Variants in PRMT7 observed in about 807,000 individuals in gnomAD.
The protein encoded by PRMT7 is protein arginine N-methyltransferase 7.
Under a neutral mutation model 85.4 loss-of-function variants are expected in PRMT7, and 75 were observed. The observed-to-expected ratio is 0.88, with a 90% CI of 0.73 to 1.06. The LOEUF is 1.06. Ranked by LOEUF, PRMT7 falls within the 50% of genes least tolerant of loss-of-function variation. The pLI is 0.00. For missense variants in PRMT7, 868 were observed against 915.2 expected, an observed-to-expected ratio of 0.95 and a Z score of 0.67; for synonymous variants, 397 against 359.5, an observed-to-expected ratio of 1.10 and a Z score of -1.18.
rs773262694 is a variant in PRMT7, at chr16:68,347,615, G to A, written c.1276-16G>A. ...AAGTGAATATCTTACAACTAATAGC[G>A]TGGTGTTCCCTCTAGGTGTTTACAG... On this transcript the variant is annotated splice_polypyrimidine_tract_variant and intron_variant, in intron 12 of 18. Coordinates refer to ENST00000441236, the MANE Select transcript of PRMT7 (RefSeq NM_019023.5). 2.2e-5 allele frequency: 36 copies of A among 1,609,980 alleles called. No individual in the cohort carries two copies. In the Admixed American group the frequency reaches 3.7e-4, roughly 16 times the overall value.
chr16:68,357,648 C>G lies in PRMT7; in HGVS notation c.*424C>G, dbSNP rs972444190. On this transcript the variant is annotated 3_prime_UTR_variant, in exon 19 of 19. Transcript: ENST00000441236. ...GTCTCACTCTCGAGGATCTCCGGGTCCCTGCTCTTCTGGCTTCTGCTAGGA... is the reference window on the plus strand; with the variant it reads ...GTCTCACTCTCGAGGATCTCCGGGTGCCTGCTCTTCTGGCTTCTGCTAGGA... 1.1e-3 allele frequency: 48 copies of G among 44,668 alleles called. No homozygotes were observed. Among genetic ancestry groups the G allele is most frequent in the Middle Eastern group, 8.1e-3 (1 of 124 alleles). 2.8% of individuals were successfully genotyped at this position (44,668 alleles called of 1,614,324 possible).
intron 4 of PRMT7, chr16:68,322,247 C>T: frequency 4.1e-5 from 9 of 221,000 alleles, no homozygotes; most frequent in East Asian, 1.5e-4. Flanking sequence ...TCTCTGTTGC[C>T]CAGTGCAGTG....
intron 10 of PRMT7, 116 bp from the exon 11 acceptor site, chr16:68,346,029 A>C: frequency 1.3e-6 from 2 of 1,488,038 alleles, no homozygotes; most frequent in Admixed American, 3.6e-5. Flanking sequence ...AAAGTCTGGA[A>C]TTAGCGGGTG....
Position 68,353,570 on chromosome 16 carries a change from G to T in PRMT7, c.1650+4G>T, listed in dbSNP as rs1410807955. The stretch of plus-strand genomic sequence containing the variant: ...CATCATGGACGACATGATTAAGGTA[G>T]GCAGGGCCACACTCTGCATAGTACC... On this transcript the variant is annotated splice_donor_region_variant and intron_variant, in intron 16 of 18. Transcript: ENST00000441236. 3 of 1,575,524 alleles carry T rather than the reference G, an allele frequency of 1.9e-6. No individual in the cohort carries two copies.
intron 6 of PRMT7, 179 bp downstream of exon 6, chr16:68,329,353 C>G (rs2151562640): frequency 2.0e-6 from 1 of 504,892 alleles, no homozygotes; most frequent in East Asian, 3.4e-5. Flanking sequence ...CTAGTTAAAA[C>G]TAGTCAACAA....
chr16:68,314,333 T>C (rs1454753223), intron 2 of PRMT7, among the ~76,000 whole-genome samples: 2 of 152,164 alleles, frequency 1.3e-5, no homozygotes, highest in African/African-American at 4.8e-5. Context: ...TGGATTCAAG[T>C]GATTCTCCTG....
intron 2 of PRMT7, among the ~76,000 whole-genome samples, chr16:68,312,407 A>T (rs2043993058): frequency 2.6e-5 from 4 of 151,742 alleles, no homozygotes; most frequent in Admixed American, 2.6e-4. Context: ...TAATTTTTTT[A>T]AAAATTTTTT....
At chr16:68,320,268 C>A (rs181732912) in intron 3 of PRMT7, among the ~76,000 whole-genome samples, 1 of 152,260 alleles carries the variant, frequency 6.6e-6, no homozygotes, top group African/African-American at 2.4e-5. Flanking sequence ...GTCGTGGAGA[C>A]CCTAACCCAG....
chr16:68,325,892 G>A (rs1003360703), intron 5 of PRMT7, among the ~76,000 whole-genome samples: 2 of 152,206 alleles, frequency 1.3e-5, no homozygotes, highest in Admixed American at 1.3e-4. Context: ...ACTTGGGAAT[G>A]TGCGGCAAGG....
Position 68,339,344 on chromosome 16 carries a change from A to C in PRMT7, c.527A>C (p.His176Pro). 6.2e-7 allele frequency: 1 copy of C among 1,614,172 alleles called. No homozygotes were observed. The highest frequency in any genetic ancestry group is 2.2e-5 in the East Asian group (1 of 44,874). ...TAGGAAAATTGTGAGGCCGTGCCCC[A>C]CAGAGCCACCGTCTATGCACAGCTG... Reference protein sequence around the residue: ...LVEENCEAVPHRATVYAQLVE... With the variant: ...LVEENCEAVPPRATVYAQLVE... Residue 176 changes from histidine (H) to proline (P), a missense_variant, in exon 8 of 19, where the codon CAC becomes CCC. By Grantham distance (77) the His-to-Pro change is moderately conservative. Transcript: ENST00000441236.
At chr16:68,323,926 A>G (rs1180663721) in intron 4 of PRMT7, 1 of 152,252 alleles carries the variant, frequency 6.6e-6, no homozygotes, top group Non-Finnish European at 1.5e-5. Context: ...AGAAGTAAAA[A>G]TCTTCAAGAT....
intron 17 of PRMT7, among the ~76,000 whole-genome samples, chr16:68,356,426 G>A (rs1344599837): frequency 6.6e-6 from 1 of 152,268 alleles, no homozygotes; most frequent in Non-Finnish European, 1.5e-5. Flanking sequence ...GCCAGGCTGT[G>A]CCTCAAGCTC....
intron 3 of PRMT7, 134 bp downstream of exon 3, chr16:68,316,208 C>A: frequency 1.4e-6 from 1 of 726,324 alleles, no homozygotes. Context: ...TGGTCCTGAG[C>A]AGGTCTGCTC....
At chr16:68,323,712 G>GT (rs2082773021) in intron 4 of PRMT7, 1 of 152,116 alleles carries the variant, frequency 6.6e-6, no homozygotes. Context: ...TGCCAGTTCT[G>GT]TATTAGCTGT....
intron 6 of PRMT7, among the ~76,000 whole-genome samples, chr16:68,334,612 G>GAGC (rs1165663647): frequency 3.9e-5 from 6 of 152,256 alleles, no homozygotes; most frequent in Admixed American, 1.3e-4. Context: ...CCAACCCAGG[G>GAGC]AGCAGCGTGT....
chr16:68,343,341 A>T (rs998742830), intron 9 of PRMT7, among the ~76,000 whole-genome samples: 1 of 152,154 alleles, frequency 6.6e-6, no homozygotes, highest in African/African-American at 2.4e-5. Flanking sequence ...GGCTCCAGGG[A>T]TTGGAGCGGG....
chr16:68,333,004 A>AT (rs564778147), intron 6 of PRMT7, among the ~76,000 whole-genome samples: 62 of 150,930 alleles, frequency 4.1e-4, no homozygotes, highest in African/African-American at 1.1e-3. Context: ...TCATTTATTT[A>AT]TTTTTTTTTG....
chr16:68,325,373 G>A (rs1178544056), intron 5 of PRMT7, among the ~76,000 whole-genome samples: 1 of 152,114 alleles, frequency 6.6e-6, no homozygotes, highest in Non-Finnish European at 1.5e-5. Flanking sequence ...AGTTATTGTG[G>A]GACTTTGTTG....
chr16:68,315,907 G>A lies in PRMT7; in HGVS notation c.-73G>A, dbSNP rs2044684834. ...TTCTGATGTTAATAGATTTCTGACA[G>A]TCAGACTTGTCCACAAGAACTCAAC... is the stretch of plus-strand genomic sequence containing the variant. On this transcript the variant is annotated 5_prime_UTR_variant, in exon 3 of 19. Transcript: ENST00000441236. 2 of 1,239,396 alleles carry A rather than the reference G, an allele frequency of 1.6e-6. No individual in the cohort carries two copies. Among genetic ancestry groups the A allele is most frequent in the East Asian group, 2.3e-5 (1 of 42,826 alleles). The allele number at this position is 1,239,396 out of a possible 1,614,324, so 76.8% of individuals were successfully genotyped here. A position where few individuals can be genotyped will look rare whatever the true frequency, so the allele number is the denominator to read the frequency against.
Sources: allele counts gnomAD v4.1 joint callset (sites outside exome capture counted in the v4.1 genomes callset), GRCh38; gene constraint gnomAD v4.1.1; transcripts MANE v1.5; gene names NCBI Gene and HGNC (gene_info 2026-07-23, HGNC 2026-07-21).